Variants in GTF2IRD1 observed in about 807,000 individuals in gnomAD.
GTF2IRD1 encodes the protein GTF2I repeat domain containing 1, also known as general transcription factor II-I repeat domain-containing protein 1.
A neutral mutation model predicts 113.2 loss-of-function variants in GTF2IRD1; 26 were observed. The ratio of observed to expected loss-of-function variants is 0.23; its 90% CI spans 0.17 to 0.32. The LOEUF is 0.32. Among genes scored for constraint, GTF2IRD1 ranks in the 10% least tolerant of loss-of-function variants. The pLI is 1.00. For synonymous variants in GTF2IRD1, 484 were observed against 529.1 expected, an observed-to-expected ratio of 0.91 and a Z score of 1.17; for missense variants, 864 against 1,280.8, an observed-to-expected ratio of 0.67 and a Z score of 4.97.
At chr7:74,540,192 G>A (rs1208458533) in intron 14 of GTF2IRD1, among the ~76,000 whole-genome samples, 5 of 152,178 alleles carry the variant, frequency 3.3e-5, no homozygotes, top group African/African-American at 1.2e-4. Flanking sequence ...TGTTGCCCAG[G>A]CTGGAGTGCA....
At chr7:74,469,373 C>G (rs1187415178) in intron 1 of GTF2IRD1, among the ~76,000 whole-genome samples, 2 of 151,906 alleles carry the variant, frequency 1.3e-5, no homozygotes, top group Non-Finnish European at 2.9e-5. Context: ...TCATCACTGT[C>G]TAATTTCAGA....
chr7:74,491,311 CTTTTTTTTTTT>C (rs1178298791), intron 1 of GTF2IRD1, among the ~76,000 whole-genome samples: 7 of 95,710 alleles, frequency 7.3e-5, no homozygotes, highest in African/African-American at 2.4e-4. Context: ...AAAAAAAATT[CTTTTTTTTTTT>C]TTTTTTTTTT....
At chr7:74,550,953 A>C (rs1234067736) in intron 17 of GTF2IRD1, among the ~76,000 whole-genome samples, 2 of 152,130 alleles carry the variant, frequency 1.3e-5, no homozygotes, top group East Asian at 3.9e-4. Context: ...AGGCGGAAGA[A>C]TAGCTTAAGC....
rs191588486 is a variant in GTF2IRD1, at chr7:74,556,268, G to C, written c.2023+774G>C. Among the ~76,000 whole-genome samples the C allele has an allele frequency of 2.7e-4, 40 of 149,378 alleles. No individual in the cohort carries two copies. In the East Asian group the frequency reaches 5.9e-3, roughly 22 times the overall value. The stretch of plus-strand genomic sequence containing the variant: ...CCCTGTCTCAAAAAAAAAAGAAAGA[G>C]AGAGAGAGAGAGAGATGGTGGTCTG... On this transcript the variant is annotated intron_variant, in intron 19 of 26. Coordinates refer to ENST00000424337, the MANE Select transcript of GTF2IRD1 (RefSeq NM_005685.4).
At chr7:74,520,769 CAAAAAAAAA>C (rs1156355118) in intron 6 of GTF2IRD1, among the ~76,000 whole-genome samples, 1 of 48,490 alleles carries the variant, frequency 2.1e-5, no homozygotes, top group Non-Finnish European at 4.0e-5. Context: ...CTATCTCTAC[CAAAAAAAAA>C]AAAAAAAAAA....
At chr7:74,539,748 CA>C (rs879998108) in intron 13 of GTF2IRD1, 130 bp from the exon 14 acceptor site, 67,357 of 469,434 alleles carry the variant, frequency 0.14, 1 homozygote, top group South Asian at 0.22. Context: ...CATCTCAAAC[CA>C]AAAAAAAAAA....
intron 22 of GTF2IRD1, among the ~76,000 whole-genome samples, chr7:74,579,620 GA>G (rs35170472): frequency 0.64 from 85,352 of 134,368 alleles, 25,715 homozygotes; most frequent in East Asian, 0.88. Flanking sequence ...TCCATCTTAA[GA>G]AAAAAAAAAA....
intron 3 of GTF2IRD1, among the ~76,000 whole-genome samples, chr7:74,513,501 C>T (rs1236861252): frequency 1.3e-5 from 2 of 152,146 alleles, no homozygotes; most frequent in African/African-American, 4.8e-5. Context: ...GACGGGGTTT[C>T]ACCTTGTTGG....
rs144531024 is a variant in GTF2IRD1, at chr7:74,469,863, C to A, written c.-7+15687C>A. On this transcript the variant is annotated intron_variant, in intron 1 of 26. Coordinates refer to ENST00000424337, the MANE Select transcript of GTF2IRD1 (RefSeq NM_005685.4). Reference sequence around the variant, plus strand: ...GGACTGCAGGCACCAAGCCACCACCCCTGACTAATTTTTAAATATTTTTTT... The same window carrying A: ...GGACTGCAGGCACCAAGCCACCACCACTGACTAATTTTTAAATATTTTTTT... Among the ~76,000 whole-genome samples the A allele has an allele frequency of 3.7e-3, 561 of 151,884 alleles. 4 individuals carry two copies. Among genetic ancestry groups the A allele is most frequent in the African/African-American group, 0.013 (540 of 41,392 alleles).
At chr7:74,510,120 G>C (rs1554342489) in intron 2 of GTF2IRD1, among the ~76,000 whole-genome samples, 1 of 151,942 alleles carries the variant, frequency 6.6e-6, no homozygotes, top group Non-Finnish European at 1.5e-5. Flanking sequence ...CCCTGGAAAA[G>C]GGGCTGGGTG....
At chr7:74,471,569 A>G (rs909917540) in intron 1 of GTF2IRD1, among the ~76,000 whole-genome samples, 44 of 151,260 alleles carry the variant, frequency 2.9e-4, no homozygotes, top group Middle Eastern at 3.4e-3. Context: ...CCAGCTACTC[A>G]GGAGGCTGAG....
chr7:74,589,180 G>C (rs782217414), intron 22 of GTF2IRD1, among the ~76,000 whole-genome samples: 1 of 152,058 alleles, frequency 6.6e-6, no homozygotes, highest in Non-Finnish European at 1.5e-5. Context: ...GAAACATAGC[G>C]AGACTCCATC....
chr7:74,601,277 C>G, intron 26 of GTF2IRD1, 97 bp downstream of exon 26: 1 of 1,549,250 alleles, frequency 6.5e-7, no homozygotes. Context: ...GCCCAGGGGA[C>G]GGGGAGGCAC....
At position 74,555,677 on chromosome 7, in the gene GTF2IRD1, C is replaced by G. The variant is rs1554356612; in HGVS notation, c.2023+183C>G. Among the ~76,000 whole-genome samples the G allele has an allele frequency of 6.6e-6, 1 of 152,164 alleles. No homozygotes were observed. The highest frequency in any genetic ancestry group is 1.5e-5 in the Non-Finnish European group (1 of 68,022). On this transcript the variant is annotated intron_variant, in intron 19 of 26. Coordinates refer to ENST00000424337, the MANE Select transcript of GTF2IRD1 (RefSeq NM_005685.4). The surrounding 1 kb of genome is among the most constrained non-coding windows in gnomAD (Gnocchi z 5.3). ...CCCTGCCAGCTCTGTGTTAGAGACT[C>G]CAGGGGAGAGGGGGTGCCTACAGGT...
intron 22 of GTF2IRD1, among the ~76,000 whole-genome samples, chr7:74,569,802 G>A (rs1220383572): frequency 6.6e-6 from 1 of 152,136 alleles, no homozygotes; most frequent in Non-Finnish European, 1.5e-5. Context: ...TTCCGGAAGG[G>A]TGATGGTGGT....
intron 2 of GTF2IRD1, among the ~76,000 whole-genome samples, chr7:74,510,211 C>T (rs1008031811): frequency 1.3e-5 from 2 of 152,026 alleles, no homozygotes; most frequent in African/African-American, 2.4e-5. Flanking sequence ...AGCCCTGTGT[C>T]CCAAAGTACT....
chr7:74,501,317 G>A (rs1240320925), intron 1 of GTF2IRD1, among the ~76,000 whole-genome samples: 5 of 152,184 alleles, frequency 3.3e-5, no homozygotes, highest in African/African-American at 1.2e-4. Context: ...GGTATGACCC[G>A]AGCTCAGGTT....
chr7:74,559,436 A>G (rs1554358366), intron 21 of GTF2IRD1, among the ~76,000 whole-genome samples, 191 bp from the exon 22 acceptor site: 2 of 152,326 alleles, frequency 1.3e-5, no homozygotes, highest in East Asian at 3.9e-4. Context: ...GACACTGCCA[A>G]TGCCAGCACC....
chr7:74,455,739 G>A (rs1226277805), intron 1 of GTF2IRD1, among the ~76,000 whole-genome samples: 2 of 152,166 alleles, frequency 1.3e-5, no homozygotes, highest in Non-Finnish European at 2.9e-5. Context: ...CCCCCATCCT[G>A]CCTCTGGGGT....
Sources: gnomAD v4.1 joint callset for allele counts (sites outside exome capture counted in the v4.1 genomes callset) on GRCh38, gnomAD v4.1.1 for gene constraint, Gnocchi (gnomAD v3.1) non-coding constraint, MANE v1.5 for transcripts, NCBI Gene and HGNC (gene_info 2026-07-23, HGNC 2026-07-21) for gene names.